The following AP1S3 variants were observed in gnomAD, a reference collection of about 807,000 sequenced individuals.
The protein encoded by AP1S3 is AP-1 complex subunit sigma-3.
AP1S3 carries 10 observed loss-of-function variants against 20.9 expected under a neutral mutation model. The observed-to-expected ratio is 0.48, with a 90% CI of 0.29 to 0.81. The LOEUF is 0.81. AP1S3 is among the 30% of genes least tolerant of loss of function. The probability of loss-of-function intolerance (pLI) is 0.08; values close to 1 mark genes in which losing one functional copy is unlikely to be tolerated. For missense variants in AP1S3, 154 were observed against 183.8 expected (o/e 0.84, Z 0.94); for synonymous variants, 41 against 61.5 (o/e 0.67, Z 1.56).
intron 4 of AP1S3, among the ~76,000 whole-genome samples, chr2:223,764,511 AT>A (rs1690432031): frequency 6.6e-6 from 1 of 152,054 alleles, no homozygotes; most frequent in South Asian, 2.1e-4. Flanking sequence ...TTCCCACTTT[AT>A]TTTATATAGA....
At chr2:223,805,148 C>T (rs1691549996) in intron 1 of AP1S3, among the ~76,000 whole-genome samples, 1 of 152,236 alleles carries the variant, frequency 6.6e-6, no homozygotes. Flanking sequence ...GCAGCTTTAG[C>T]ATGTTATGGG....
chr2:223,801,878 G>A (rs1243420242), intron 1 of AP1S3, among the ~76,000 whole-genome samples: 4 of 152,124 alleles, frequency 2.6e-5, no homozygotes, highest in African/African-American at 7.2e-5. Context: ...TTCAACTGAC[G>A]ACAATAATGA....
At chr2:223,783,833 T>C (rs559466870) in intron 1 of AP1S3, among the ~76,000 whole-genome samples, 39 of 152,232 alleles carry the variant, frequency 2.6e-4, no homozygotes, top group Admixed American at 9.2e-4. Flanking sequence ...CTCAGACAAA[T>C]ACTCAGGCTG....
At chr2:223,782,293 G>T (rs1313293085) in intron 1 of AP1S3, among the ~76,000 whole-genome samples, 1 of 152,174 alleles carries the variant, frequency 6.6e-6, no homozygotes, top group African/African-American at 2.4e-5. Flanking sequence ...GATTACAGGT[G>T]TAAGCCACTG....
chr2:223,796,069 A>G (rs1039073545), intron 1 of AP1S3, among the ~76,000 whole-genome samples: 1 of 152,206 alleles, frequency 6.6e-6, no homozygotes, highest in Non-Finnish European at 1.5e-5. Context: ...GCTACTCGGG[A>G]GGCTGAGGCA....
Position 223,811,183 on chromosome 2 carries a change from G to A in AP1S3, c.3+26265C>T, listed in dbSNP as rs548272640. 7.9e-5 allele frequency among the ~76,000 whole-genome samples: 12 copies of A among 150,952 alleles called. No homozygotes were observed. In the East Asian group the frequency reaches 8.0e-4, roughly 10 times the overall value. On this transcript the variant is annotated intron_variant, in intron 1 of 4. Coordinates refer to ENST00000396654, the MANE Select transcript of AP1S3 (RefSeq NM_001039569.2). ...TCTTGGCTCACTGCAACCTCTGCCC[G>A]CTGGGTTCAAGCGATTCTCCTGCCT... is the stretch of plus-strand genomic sequence containing the variant.
chr2:223,830,207 T>C (rs2106040855), intron 1 of AP1S3, among the ~76,000 whole-genome samples: 1 of 150,534 alleles, frequency 6.6e-6, no homozygotes, highest in South Asian at 2.1e-4. Context: ...GGCTGGGCGC[T>C]GTGGATCACA....
At chr2:223,833,320 C>T (rs1028830422) in intron 1 of AP1S3, among the ~76,000 whole-genome samples, 2 of 152,116 alleles carry the variant, frequency 1.3e-5, no homozygotes, top group Non-Finnish European at 2.9e-5. Context: ...AACCATTCAA[C>T]AGTACATTCT....
intron 3 of AP1S3, among the ~76,000 whole-genome samples, chr2:223,766,053 C>G (rs1690470112): frequency 6.6e-6 from 1 of 152,120 alleles, no homozygotes; most frequent in Admixed American, 6.6e-5. Flanking sequence ...CAAGATCACT[C>G]CCATCATCCA....
At position 223,756,482 on chromosome 2, in the gene AP1S3, GAAAA is replaced by G; in HGVS notation, c.*2229_*2232del. ...GAAAGAAAGAAAAGAAAGAAAGAAA[GAAAA>G]AAAGAAAGAAAAAATTCTAACACAT... On this transcript the variant is annotated 3_prime_UTR_variant, in exon 5 of 5. Coordinates refer to ENST00000396654, the MANE Select transcript of AP1S3 (RefSeq NM_001039569.2). 1 of 914,698 alleles carries G rather than the reference GAAAA, an allele frequency of 1.1e-6. No individual in the cohort carries two copies. The highest frequency in any genetic ancestry group is 1.3e-6 in the Non-Finnish European group (1 of 777,888). The allele number at this position is 914,698 out of a possible 1,614,324, so 56.7% of individuals were successfully genotyped here. A position where few individuals can be genotyped will look rare whatever the true frequency, so the allele number is the denominator to read the frequency against.
intron 1 of AP1S3, among the ~76,000 whole-genome samples, chr2:223,808,375 G>A (rs1691635166): frequency 6.6e-6 from 1 of 152,174 alleles, no homozygotes; most frequent in African/African-American, 2.4e-5. Flanking sequence ...GACAGGCTTA[G>A]AACTCTAGGC....
chr2:223,828,058 T>TAAAAAAAAAAAAAAAAAAAAAAAAAAAA (rs527671959), intron 1 of AP1S3, among the ~76,000 whole-genome samples: 3 of 94,692 alleles, frequency 3.2e-5, no homozygotes, highest in Non-Finnish European at 4.5e-5. Flanking sequence ...AGACTTCATC[T>TAAAAAAAAAAAAAAAAAAAAAAAAAAAA]AAAAAAAAAA....
chr2:223,834,926 C>T (rs1692360754), intron 1 of AP1S3, among the ~76,000 whole-genome samples: 1 of 152,094 alleles, frequency 6.6e-6, no homozygotes, highest in African/African-American at 2.4e-5. Context: ...TTATCAAAGA[C>T]AGTTGGACTT....
At chr2:223,816,962 T>A (rs896935787) in intron 1 of AP1S3, among the ~76,000 whole-genome samples, 14 of 152,056 alleles carry the variant, frequency 9.2e-5, no homozygotes, top group Non-Finnish European at 1.5e-4. Context: ...CTGTCTTTAC[T>A]AAAAATACAA....
rs1336929394 is a variant in AP1S3 at position 223,757,806 on chromosome 2, T to C, written c.*909A>G. 3.0e-6 allele frequency: 3 copies of C among 985,162 alleles called. No individual in the cohort carries two copies. Among genetic ancestry groups the C allele is most frequent in the Non-Finnish European group, 3.6e-6 (3 of 829,818 alleles). 61.0% of individuals were successfully genotyped at this position (985,162 alleles called of 1,614,324 possible). A position where few individuals can be genotyped will look rare whatever the true frequency, so the allele number is the denominator to read the frequency against. ...TGCTCTAAGTAAGCCATGTAATAAG[T>C]CTTCAAATGCATTAGAGATACATTA... On this transcript the variant is annotated 3_prime_UTR_variant, in exon 5 of 5. Transcript: ENST00000396654.
intron 1 of AP1S3, among the ~76,000 whole-genome samples, chr2:223,795,556 G>A (rs903282668): frequency 6.6e-6 from 1 of 150,778 alleles, no homozygotes; most frequent in African/African-American, 2.5e-5. Context: ...ATTTCATCCA[G>A]GGCCTGCTGG....
intron 1 of AP1S3, among the ~76,000 whole-genome samples, chr2:223,819,250 A>T (rs1184643364): frequency 2.0e-5 from 3 of 152,200 alleles, no homozygotes; most frequent in Non-Finnish European, 2.9e-5. Flanking sequence ...CTTTGATTTC[A>T]AACACTCGCT....
chr2:223,833,523 G>C (rs892658407), intron 1 of AP1S3, among the ~76,000 whole-genome samples: 3 of 152,114 alleles, frequency 2.0e-5, no homozygotes, highest in Non-Finnish European at 4.4e-5. Context: ...CCAGAAACCA[G>C]GGTCACTGGC....
In AP1S3 at chr2:223,825,230, G is replaced by A. The variant is rs192369540; in HGVS notation, c.3+12218C>T. 7.1e-3 allele frequency among the ~76,000 whole-genome samples: 1,073 copies of A among 151,720 alleles called. 13 individuals are homozygous for A. Among genetic ancestry groups the A allele is most frequent in the African/African-American group, 0.025 (1,036 of 41,356 alleles). On this transcript the variant is annotated intron_variant, in intron 1 of 4. Coordinates refer to ENST00000396654, the MANE Select transcript of AP1S3 (RefSeq NM_001039569.2). ...CCTGAGGCTGAGATAGGAGAATGGC[G>A]TGAACCCGGGAGGCGGAGCTTGCAG... is the stretch of plus-strand genomic sequence containing the variant.
Sources: allele counts gnomAD v4.1 joint callset (sites outside exome capture counted in the v4.1 genomes callset), GRCh38; gene constraint gnomAD v4.1.1; transcripts MANE v1.5; gene names NCBI Gene and HGNC (gene_info 2026-07-23, HGNC 2026-07-21).